The following KCNH5 variants were observed in gnomAD, a reference collection of about 807,000 sequenced individuals.
KCNH5 encodes the protein voltage-gated delayed rectifier potassium channel KCNH5.
Under a neutral mutation model 96.1 loss-of-function variants are expected in KCNH5, and 46 were observed. That is an observed-to-expected ratio of 0.48 (90% CI 0.38 to 0.61). The LOEUF (loss-of-function observed/expected upper bound fraction) is 0.61, where lower values mean the gene tolerates loss of function less well. Ranked by LOEUF, KCNH5 falls within the 20% of genes least tolerant of loss-of-function variation. KCNH5 has a pLI of 0.00. For missense variants in KCNH5, 907 were observed against 1,225.8 expected (o/e 0.74, Z 3.88); for synonymous variants, 439 against 449.8 (o/e 0.98, Z 0.30).
intron 10 of KCNH5, among the ~76,000 whole-genome samples, chr14:62,762,843 C>T (rs952680916): frequency 1.3e-5 from 2 of 151,884 alleles, no homozygotes; most frequent in Non-Finnish European, 2.9e-5. Flanking sequence ...GAAGACATAA[C>T]TATCCTAAAT....
At chr14:62,850,915 C>G (rs924063899) in intron 7 of KCNH5, among the ~76,000 whole-genome samples, 1 of 152,170 alleles carries the variant, frequency 6.6e-6, no homozygotes, top group Non-Finnish European at 1.5e-5. Context: ...CCTACATCCT[C>G]CAAGCATTTG....
chr14:62,787,749 T>C (rs1255187986), intron 9 of KCNH5, among the ~76,000 whole-genome samples: 1 of 152,226 alleles, frequency 6.6e-6, no homozygotes, highest in Non-Finnish European at 1.5e-5. Context: ...ATGCTAAATC[T>C]ACTCTGCCTT....
chr14:62,758,521 C>T (rs551010486), intron 10 of KCNH5, among the ~76,000 whole-genome samples: 2 of 152,290 alleles, frequency 1.3e-5, no homozygotes, highest in African/African-American at 4.8e-5. Flanking sequence ...TCTCTCAGTA[C>T]TTACTTCCCA....
chr14:62,761,935 G>A (rs1317981830), intron 10 of KCNH5, among the ~76,000 whole-genome samples: 1 of 152,132 alleles, frequency 6.6e-6, no homozygotes, highest in Non-Finnish European at 1.5e-5. Context: ...TCTTGCATGG[G>A]ACTGCCAAGC....
At chr14:62,708,968 G>A (rs954301893) in intron 10 of KCNH5, among the ~76,000 whole-genome samples, 10 of 151,948 alleles carry the variant, frequency 6.6e-5, no homozygotes, top group African/African-American at 2.2e-4. Context: ...TCTGTTGGCC[G>A]GGCGCGGCGG....
intron 8 of KCNH5, among the ~76,000 whole-genome samples, chr14:62,833,430 T>C (rs1046153502): frequency 4.6e-5 from 7 of 152,100 alleles, no homozygotes; most frequent in Non-Finnish European, 8.8e-5. Flanking sequence ...GAAGCTTTTG[T>C]CAACGATTAG....
intron 6 of KCNH5, among the ~76,000 whole-genome samples, chr14:62,980,668 T>G (rs1890588280): frequency 6.6e-6 from 1 of 152,162 alleles, no homozygotes; most frequent in Non-Finnish European, 1.5e-5. Flanking sequence ...TCCCAGTAAT[T>G]AGTACTTTCA....
intron 8 of KCNH5, among the ~76,000 whole-genome samples, chr14:62,815,389 A>C (rs1282867142): frequency 6.6e-6 from 1 of 152,140 alleles, no homozygotes; most frequent in African/African-American, 2.4e-5. Context: ...ATTTTATCAA[A>C]CTATTTATTT....
rs551384898 is a variant in KCNH5 at position 62,857,922 on chromosome 14, C to T, written c.1370-8070G>A. On this transcript the variant is annotated intron_variant, in intron 7 of 10. Transcript: ENST00000322893. ...ATACATCTCCTGAGATCATAATCTTCAAATAAAGACAATAATAAAGTCATA... is the reference window on the plus strand; with the variant it reads ...ATACATCTCCTGAGATCATAATCTTTAAATAAAGACAATAATAAAGTCATA... Among the ~76,000 whole-genome samples the T allele has an allele frequency of 2.0e-5, 3 of 152,186 alleles. No homozygotes were observed. In the South Asian group the frequency reaches 6.2e-4, roughly 32 times the overall value.
intron 1 of KCNH5, among the ~76,000 whole-genome samples, chr14:63,029,987 A>G (rs1380156919): frequency 6.6e-6 from 1 of 152,184 alleles, no homozygotes; most frequent in Non-Finnish European, 1.5e-5. Flanking sequence ...TTCCTTGAAA[A>G]CAAATGAGTT....
At position 62,947,984 on chromosome 14, in the gene KCNH5, C is replaced by G. The variant is rs191749264; in HGVS notation, c.1369+2149G>C. On this transcript the variant is annotated intron_variant, in intron 7 of 10. Coordinates refer to ENST00000322893, the MANE Select transcript of KCNH5 (RefSeq NM_139318.5). ...CAATGCTATCCCTCCCCTCTCCCCCCACCCCACAACAGTCCCCAGAGTGTG... is the reference window on the plus strand; with the variant it reads ...CAATGCTATCCCTCCCCTCTCCCCCGACCCCACAACAGTCCCCAGAGTGTG... 3.9e-5 allele frequency among the ~76,000 whole-genome samples: 6 copies of G among 151,926 alleles called. No individual in the cohort carries two copies. The South Asian group carries it at 1.0e-3, about 26-fold the overall frequency.
At chr14:62,914,885 C>G (rs1311638584) in intron 7 of KCNH5, among the ~76,000 whole-genome samples, 1 of 152,236 alleles carries the variant, frequency 6.6e-6, no homozygotes, top group Non-Finnish European at 1.5e-5. Context: ...GCAGTGAGGA[C>G]AGGCTGGAAG....
chr14:62,714,260 G>C (rs1884636852), intron 10 of KCNH5, among the ~76,000 whole-genome samples: 1 of 152,108 alleles, frequency 6.6e-6, no homozygotes, highest in Admixed American at 6.6e-5. Context: ...TTGCATGTCA[G>C]CCTGGGTCTC....
chr14:62,996,800 C>T (rs1206344279), intron 4 of KCNH5, among the ~76,000 whole-genome samples: 5 of 152,116 alleles, frequency 3.3e-5, no homozygotes, highest in Non-Finnish European at 7.4e-5. Context: ...TTTCTTTGGC[C>T]AACTTCATCT....
At chr14:62,883,013 G>A (rs1018712725) in intron 7 of KCNH5, among the ~76,000 whole-genome samples, 1 of 152,124 alleles carries the variant, frequency 6.6e-6, no homozygotes, top group Non-Finnish European at 1.5e-5. Flanking sequence ...TCTACAGTTA[G>A]ATTTTAAATC....
At chr14:62,752,434 G>C (rs1885522571) in intron 10 of KCNH5, among the ~76,000 whole-genome samples, 1 of 151,156 alleles carries the variant, frequency 6.6e-6, no homozygotes. Context: ...TTGGTTATTG[G>C]ATGACATTTC....
chr14:62,748,055 C>T (rs1024685250), intron 10 of KCNH5, among the ~76,000 whole-genome samples: 10 of 152,224 alleles, frequency 6.6e-5, no homozygotes, highest in Admixed American at 3.9e-4. Context: ...AAAGGGGTCC[C>T]GATCCAGACC....
At position 62,703,325 on chromosome 14, in the gene KCNH5, T is replaced by G. The variant is rs564928224; in HGVS notation, c.*4183A>C. On this transcript the variant is annotated 3_prime_UTR_variant, in exon 11 of 11. Coordinates refer to ENST00000322893, the MANE Select transcript of KCNH5 (RefSeq NM_139318.5). The stretch of plus-strand genomic sequence containing the variant: ...CACATCACCGTCAATCCCTGAAATC[T>G]CTTCTAAAATCTAGAAGAATATTTT... The G allele has an allele frequency of 6.6e-5, 10 of 152,030 alleles. No homozygotes were observed. The South Asian group carries it at 1.4e-3, about 22-fold the overall frequency. 9.4% of individuals were successfully genotyped at this position (152,030 alleles called of 1,614,324 possible). A position where few individuals can be genotyped will look rare whatever the true frequency, so the allele number is the denominator to read the frequency against.
intron 7 of KCNH5, among the ~76,000 whole-genome samples, chr14:62,881,344 T>C (rs1888487639): frequency 6.6e-6 from 1 of 152,170 alleles, no homozygotes; most frequent in South Asian, 2.1e-4. Context: ...TTTTTTTTTT[T>C]AGTAAGAAAC....
Sources: allele counts gnomAD v4.1 joint callset (sites outside exome capture counted in the v4.1 genomes callset), GRCh38; gene constraint gnomAD v4.1.1; transcripts MANE v1.5; gene names NCBI Gene and HGNC (gene_info 2026-07-23, HGNC 2026-07-21).